Variants in RGS5 observed in about 807,000 individuals in gnomAD.
RGS5 encodes regulator of G-protein signalling 5.
A neutral mutation model predicts 18.9 loss-of-function variants in RGS5; 20 were observed. The observed-to-expected ratio is 1.06, with a 90% CI of 0.74 to 1.54. RGS5 has a LOEUF of 1.54. RGS5 is among the 40% of genes most tolerant of loss of function. RGS5 has a pLI of 0.00. For missense variants in RGS5, 201 were observed against 211.8 expected (o/e 0.95, Z 0.32); for synonymous variants, 57 against 76.2 (o/e 0.75, Z 1.31).
At chr1:163,238,622 C>A in intron 2 of RGS5, 1 of 229,520 alleles carries the variant, frequency 4.4e-6, no homozygotes. Flanking sequence ...AAATGCAAAA[C>A]GCTTGGGTGG....
At chr1:163,248,232 T>C (rs1213439994) in intron 2 of RGS5, 1 of 152,150 alleles carries the variant, frequency 6.6e-6, no homozygotes, top group African/African-American at 2.4e-5. Flanking sequence ...TTAGAGAGCA[T>C]AACTGGATCT....
intron 1 of RGS5, among the ~76,000 whole-genome samples, chr1:163,190,402 G>A (rs887044565): frequency 6.6e-6 from 1 of 152,118 alleles, no homozygotes; most frequent in Non-Finnish European, 1.5e-5. Flanking sequence ...ATGGTGTCTT[G>A]GTGATATCAG....
intron 2 of RGS5, among the ~76,000 whole-genome samples, chr1:163,238,312 C>T (rs1006754093): frequency 6.6e-6 from 1 of 152,166 alleles, no homozygotes; most frequent in African/African-American, 2.4e-5. Context: ...GTGTCAAAAT[C>T]ATATTAATTG....
intron 1 of RGS5, among the ~76,000 whole-genome samples, chr1:163,314,090 G>T (rs1649948287): frequency 6.6e-6 from 1 of 152,020 alleles, no homozygotes; most frequent in African/African-American, 2.4e-5. Flanking sequence ...ATAATTAAAT[G>T]AGGTAATACA....
chr1:163,247,387 C>T (rs1353601733), intron 2 of RGS5, among the ~76,000 whole-genome samples: 3 of 152,040 alleles, frequency 2.0e-5, no homozygotes. Context: ...ATGTTTCTAA[C>T]CGTATTATCT....
intron 1 of RGS5, among the ~76,000 whole-genome samples, chr1:163,180,852 G>A (rs1264490293): frequency 2.0e-5 from 3 of 151,658 alleles, no homozygotes; most frequent in South Asian, 2.1e-4. Context: ...CCGTCACTAC[G>A]CCCGGCTAAT....
At chr1:163,147,555 TGA>T in intron 4 of RGS5, 52 bp from the exon 5 acceptor site, 16 of 1,436,324 alleles carry the variant, frequency 1.1e-5, no homozygotes, top group Non-Finnish European at 1.5e-5. Context: ...TAGAATTTGA[TGA>T]GGGGTGAAGA....
chr1:163,310,532 G>A (rs1365356389), intron 1 of RGS5, among the ~76,000 whole-genome samples: 6 of 146,554 alleles, frequency 4.1e-5, no homozygotes, highest in Admixed American at 2.8e-4. Context: ...CAGAGATTGC[G>A]CGACTGCACT....
At chr1:163,170,361 A>C (rs977641695) in intron 1 of RGS5, among the ~76,000 whole-genome samples, 2 of 152,228 alleles carry the variant, frequency 1.3e-5, no homozygotes, top group East Asian at 3.9e-4. Context: ...TGAACTAAAA[A>C]TATCTTGATT....
intron 3 of RGS5, among the ~76,000 whole-genome samples, chr1:163,161,191 T>C (rs971348933): frequency 6.6e-6 from 1 of 152,210 alleles, no homozygotes; most frequent in Non-Finnish European, 1.5e-5. Flanking sequence ...GTAGAAATCC[T>C]ATATGGAACA....
At chr1:163,285,271 T>C (rs1017743423) in intron 2 of RGS5, among the ~76,000 whole-genome samples, 1 of 152,134 alleles carries the variant, frequency 6.6e-6, no homozygotes, top group African/African-American at 2.4e-5. Flanking sequence ...AGTATTGATA[T>C]GGGCTGGGCA....
At chr1:163,184,454 G>A (rs2102419555) in intron 1 of RGS5, among the ~76,000 whole-genome samples, 1 of 151,412 alleles carries the variant, frequency 6.6e-6, no homozygotes, top group South Asian at 2.1e-4. Context: ...AAGTATCTAG[G>A]TGACAGAAGA....
Position 163,156,839 on chromosome 1 carries a change from T to G in RGS5, c.218-4123A>C, listed in dbSNP as rs533792987. On this transcript the variant is annotated intron_variant, in intron 3 of 4. Coordinates refer to ENST00000313961, the MANE Select transcript of RGS5 (RefSeq NM_003617.4). The stretch of plus-strand genomic sequence containing the variant: ...AGGGATTGTGATGGCACTCAAGTCC[T>G]AAAATTATTGCAATCATTAAATTAA... Among the ~76,000 whole-genome samples the G allele has an allele frequency of 7.2e-5, 11 of 152,342 alleles. No individual in the cohort carries two copies. The South Asian group carries it at 2.3e-3, about 32-fold the overall frequency.
At chr1:163,268,754 A>G (rs541637333) in intron 2 of RGS5, among the ~76,000 whole-genome samples, 11 of 152,240 alleles carry the variant, frequency 7.2e-5, no homozygotes, top group African/African-American at 2.6e-4. Context: ...AAACACCAGT[A>G]AAGGCTCTGG....
At chr1:163,305,629 C>T (rs900665416) in intron 2 of RGS5, among the ~76,000 whole-genome samples, 6 of 152,176 alleles carry the variant, frequency 3.9e-5, no homozygotes, top group Non-Finnish European at 7.3e-5. Context: ...CAAACACACT[C>T]CTCCCCCAAA....
At chr1:163,201,365 G>C (rs1337136012) in intron 1 of RGS5, among the ~76,000 whole-genome samples, 3 of 152,000 alleles carry the variant, frequency 2.0e-5, no homozygotes, top group African/African-American at 7.2e-5. Flanking sequence ...GCAATAAATA[G>C]TATCCACCTT....
At chr1:163,283,574 G>T (rs1352232157) in intron 2 of RGS5, among the ~76,000 whole-genome samples, 1 of 152,130 alleles carries the variant, frequency 6.6e-6, no homozygotes, top group South Asian at 2.1e-4. Context: ...GTGAGTGTAT[G>T]TAGAATCCAG....
At chr1:163,300,998 A>C (rs1473656410) in intron 2 of RGS5, among the ~76,000 whole-genome samples, 2 of 152,224 alleles carry the variant, frequency 1.3e-5, no homozygotes, top group African/African-American at 4.8e-5. Flanking sequence ...GGGAATGAGT[A>C]GTTCTTCAGC....
intron 2 of RGS5, among the ~76,000 whole-genome samples, chr1:163,162,296 G>A (rs1657834814): frequency 6.6e-6 from 1 of 152,054 alleles, no homozygotes; most frequent in Non-Finnish European, 1.5e-5. Flanking sequence ...TTCCAACTGT[G>A]GTCTTTTTTC....
Sources: allele counts gnomAD v4.1 joint callset (sites outside exome capture counted in the v4.1 genomes callset), GRCh38; gene constraint gnomAD v4.1.1; transcripts MANE v1.5; gene names NCBI Gene and HGNC (gene_info 2026-07-23, HGNC 2026-07-21).